Variants in SLC4A4 observed in about 807,000 individuals in gnomAD.
SLC4A4 encodes the protein electrogenic sodium bicarbonate cotransporter 1.
A neutral mutation model predicts 111.5 loss-of-function variants in SLC4A4; 27 were observed. The ratio of observed to expected loss-of-function variants is 0.24; its 90% confidence interval spans 0.18 to 0.33. SLC4A4 has a LOEUF of 0.33. SLC4A4 is among the 10% of genes least tolerant of loss of function. The probability of loss-of-function intolerance (pLI) is 1.00; values close to 1 mark genes in which losing one functional copy is unlikely to be tolerated. For synonymous variants in SLC4A4, 443 were observed against 463.4 expected, an observed-to-expected ratio of 0.96 and a Z score of 0.57; for missense variants, 909 against 1,315.5, an observed-to-expected ratio of 0.69 and a Z score of 4.78.
At chr4:71,237,483 C>T (rs1396336945) in intron 2 of SLC4A4, among the ~76,000 whole-genome samples, 1 of 152,052 alleles carries the variant, frequency 6.6e-6, no homozygotes, top group Admixed American at 6.5e-5. Context: ...TGATCAATTC[C>T]ACCATTTAAA....
intron 2 of SLC4A4, among the ~76,000 whole-genome samples, chr4:71,107,484 C>G (rs1742967966): frequency 6.6e-6 from 1 of 151,870 alleles, no homozygotes; most frequent in South Asian, 2.1e-4. Flanking sequence ...GTAGTTGGGA[C>G]TAGAGGCACA....
intron 1 of SLC4A4, among the ~76,000 whole-genome samples, chr4:71,072,486 A>G (rs1351932551): frequency 6.6e-6 from 1 of 152,186 alleles, no homozygotes; most frequent in Non-Finnish European, 1.5e-5. Flanking sequence ...GCTTCAAAAT[A>G]AAAATAAAAA....
chr4:71,106,024 C>G (rs1392244586), intron 2 of SLC4A4, among the ~76,000 whole-genome samples: 1 of 136,730 alleles, frequency 7.3e-6, no homozygotes. Flanking sequence ...ACCTACTCAT[C>G]TGACAAAGGG....
At chr4:71,258,565 A>G (rs73826215) in intron 3 of SLC4A4, among the ~76,000 whole-genome samples, 2 of 152,154 alleles carry the variant, frequency 1.3e-5, no homozygotes, top group African/African-American at 2.4e-5. Flanking sequence ...TGTGTTTTTC[A>G]TACGTGTTTA....
intron 23 of SLC4A4, among the ~76,000 whole-genome samples, chr4:71,561,560 A>G (rs1736980435): frequency 1.3e-5 from 2 of 151,822 alleles, no homozygotes; most frequent in South Asian, 4.1e-4. Context: ...TTGATTCAAT[A>G]AGAAAAAGGC....
chr4:71,265,759 A>G (rs1432528324), intron 3 of SLC4A4, among the ~76,000 whole-genome samples: 1 of 151,996 alleles, frequency 6.6e-6, no homozygotes, highest in Non-Finnish European at 1.5e-5. Flanking sequence ...CTTTATTCTT[A>G]TGTTATCATT....
At chr4:71,423,614 A>T (rs1400556753) in intron 7 of SLC4A4, among the ~76,000 whole-genome samples, 1 of 152,140 alleles carries the variant, frequency 6.6e-6, no homozygotes, top group Non-Finnish European at 1.5e-5. Flanking sequence ...CAGTAACCAA[A>T]ACAGCATGGT....
intron 17 of SLC4A4, 45 bp from the exon 18 acceptor site, chr4:71,534,182 A>G (rs747103090): frequency 6.3e-7 from 1 of 1,592,872 alleles, no homozygotes; most frequent in Non-Finnish European, 8.6e-7. Flanking sequence ...AATAGTATAT[A>G]TTAACCTGAT....
intron 7 of SLC4A4, among the ~76,000 whole-genome samples, chr4:71,418,697 G>A (rs1722044163): frequency 6.6e-6 from 1 of 152,242 alleles, no homozygotes; most frequent in South Asian, 2.1e-4. Context: ...TATCCCAGGG[G>A]TTTTCTTTTA....
chr4:71,520,790 A>G (rs945561120), intron 16 of SLC4A4, among the ~76,000 whole-genome samples: 1 of 151,762 alleles, frequency 6.6e-6, no homozygotes, highest in Non-Finnish European at 1.5e-5. Flanking sequence ...AATTCAAAAC[A>G]TGGTTGACTT....
At chr4:71,159,211 T>TGGATAGC (rs1744557147) in intron 2 of SLC4A4, among the ~76,000 whole-genome samples, 2 of 152,226 alleles carry the variant, frequency 1.3e-5, no homozygotes, top group Non-Finnish European at 2.9e-5. Flanking sequence ...CATTGCATTG[T>TGGATAGC]GGATAGCTGA....
intron 6 of SLC4A4, among the ~76,000 whole-genome samples, chr4:71,380,846 A>G (rs971014668): frequency 6.6e-6 from 1 of 152,150 alleles, no homozygotes; most frequent in Non-Finnish European, 1.5e-5. Context: ...ACTTCCAGCC[A>G]CAGATGCTGC....
intron 6 of SLC4A4, among the ~76,000 whole-genome samples, chr4:71,361,456 T>C (rs1366631913): frequency 6.6e-6 from 1 of 151,688 alleles, no homozygotes; most frequent in Non-Finnish European, 1.5e-5. Flanking sequence ...TGCTACTTGT[T>C]TGAGACATGT....
intron 7 of SLC4A4, among the ~76,000 whole-genome samples, chr4:71,415,774 T>A (rs1334119061): frequency 6.6e-6 from 1 of 152,188 alleles, no homozygotes; most frequent in African/African-American, 2.4e-5. Context: ...ATTCTGCCTT[T>A]TAATTTTTCT....
intron 6 of SLC4A4, among the ~76,000 whole-genome samples, chr4:71,368,594 C>A (rs183435342): frequency 1.4e-4 from 21 of 152,290 alleles, no homozygotes; most frequent in African/African-American, 5.1e-4. Flanking sequence ...AAGAAAGCTG[C>A]TTACTAATAC....
intron 1 of SLC4A4, among the ~76,000 whole-genome samples, chr4:71,226,862 A>G (rs372538171): frequency 2.6e-5 from 4 of 152,148 alleles, no homozygotes; most frequent in East Asian, 1.9e-4. Flanking sequence ...TGATTAATTG[A>G]TTCATTCATA....
chr4:71,453,437 A>T, intron 11 of SLC4A4, 58 bp from the exon 12 acceptor site: 1 of 1,514,818 alleles, frequency 6.6e-7, no homozygotes, highest in South Asian at 1.1e-5. Flanking sequence ...TTACCTCTTG[A>T]TTAATTTGAT....
chr4:71,512,851 G>A (rs1003676735), intron 16 of SLC4A4, among the ~76,000 whole-genome samples: 4 of 152,092 alleles, frequency 2.6e-5, no homozygotes, highest in Admixed American at 1.3e-4. Flanking sequence ...TCTGGATGTG[G>A]GTATCCAATT....
rs1195796022 is a variant in SLC4A4 at position 71,326,310 on chromosome 4, G to A, written c.254-13060G>A. ...TTCAAGTTTATAAGGATGAGAAAAG[G>A]TGTAACACCACGACATTAGACTTAG... On this transcript the variant is annotated intron_variant, in intron 3 of 25. Coordinates refer to ENST00000264485, the MANE Select transcript of SLC4A4 (RefSeq NM_001098484.3). Among the ~76,000 whole-genome samples the A allele has an allele frequency of 2.0e-5, 3 of 151,806 alleles. No homozygotes were observed. The East Asian group carries it at 5.8e-4, about 29-fold the overall frequency.
Sources: allele counts gnomAD v4.1 joint callset (sites outside exome capture counted in the v4.1 genomes callset), GRCh38; gene constraint gnomAD v4.1.1; transcripts MANE v1.5; gene names NCBI Gene and HGNC (gene_info 2026-07-23, HGNC 2026-07-21).